The following COG7 variants were observed in gnomAD, a reference collection of about 807,000 sequenced individuals.
COG7 encodes component of oligomeric golgi complex 7, also known as conserved oligomeric Golgi complex subunit 7.
Under a neutral mutation model 91.5 loss-of-function variants are expected in COG7, and 49 were observed. That is an observed-to-expected ratio of 0.54 (90% CI 0.43 to 0.68). COG7 has a LOEUF of 0.68. Among genes scored for constraint, COG7 ranks in the 30% least tolerant of loss-of-function variants. COG7 has a pLI of 0.00. For synonymous variants in COG7, 365 were observed against 388.7 expected (o/e 0.94, Z 0.72); for missense variants, 895 against 961.3 (o/e 0.93, Z 0.91).
chr16:23,431,397 G>T (rs567794093), intron 6 of COG7, among the ~76,000 whole-genome samples: 2 of 152,310 alleles, frequency 1.3e-5, no homozygotes, highest in East Asian at 3.9e-4. Context: ...GGCCCAAAGA[G>T]AAGTCTGAGA....
chr16:23,439,443 C>T (rs1371367727), intron 4 of COG7, among the ~76,000 whole-genome samples: 2 of 151,974 alleles, frequency 1.3e-5, no homozygotes, highest in African/African-American at 4.8e-5. Context: ...TCACAATAGC[C>T]AAAAGGTAGA....
intron 6 of COG7, among the ~76,000 whole-genome samples, chr16:23,429,612 A>C (rs1963902659): frequency 1.3e-5 from 2 of 152,092 alleles, no homozygotes; most frequent in South Asian, 4.1e-4. Context: ...AAAAATACAA[A>C]AATTAGCTGG....
intron 7 of COG7, among the ~76,000 whole-genome samples, chr16:23,424,317 A>AAAC (rs1963809181): frequency 6.6e-6 from 1 of 151,562 alleles, no homozygotes. Context: ...AAAAAAAAAA[A>AAAC]AGCCCTTGTA....
intron 14 of COG7, 29 bp from the exon 15 acceptor site, chr16:23,393,376 G>T: frequency 6.6e-7 from 1 of 1,520,836 alleles, no homozygotes; most frequent in Non-Finnish European, 9.1e-7. Context: ...CTGTTAGCCT[G>T]ACATTGACAC....
rs776796285 is a variant in COG7 at position 23,424,709 on chromosome 16, G to A, written c.1009+40C>T. The A allele has an allele frequency of 3.1e-6, 5 of 1,603,418 alleles. No individual in the cohort carries two copies. In the South Asian group the frequency reaches 4.4e-5, roughly 14 times the overall value. ...GCCCCAGAAGCTTCAGAAAGAGCGA[G>A]TAAAGACAAGCTAGAGAACTGGCAG... On this transcript the variant is annotated intron_variant, in intron 7 of 16. Transcript: ENST00000307149.
chr16:23,427,874 A>G (rs1380767902), intron 6 of COG7, among the ~76,000 whole-genome samples: 1 of 152,092 alleles, frequency 6.6e-6, no homozygotes, highest in Admixed American at 6.6e-5. Flanking sequence ...GTTATTTTTA[A>G]ATGTTATTTT....
At chr16:23,440,695 G>A (rs909197437) in intron 4 of COG7, among the ~76,000 whole-genome samples, 18 of 152,034 alleles carry the variant, frequency 1.2e-4, no homozygotes, top group South Asian at 1.0e-3. Flanking sequence ...GGGCTCAGGC[G>A]ATCCTCCCAC....
Position 23,418,692 on chromosome 16 carries a change from G to A in COG7, c.1137+8C>T, listed in dbSNP as rs75523257. ...TTCCTCAGTGGCCCCAGGACACTGCGACTTTACCAGAGGCACAGCACTCAT... is the reference window on the plus strand; with the variant it reads ...TTCCTCAGTGGCCCCAGGACACTGCAACTTTACCAGAGGCACAGCACTCAT... On this transcript the variant is annotated splice_region_variant and intron_variant, in intron 8 of 16. Transcript: ENST00000307149. 221 of 1,613,078 alleles carry A rather than the reference G, an allele frequency of 1.4e-4. No individual in the cohort carries two copies. The African/African-American group carries it at 2.7e-3, about 19-fold the overall frequency.
intron 10 of COG7, among the ~76,000 whole-genome samples, chr16:23,410,634 A>G (rs1963547117): frequency 6.6e-6 from 1 of 152,130 alleles, no homozygotes; most frequent in South Asian, 2.1e-4. Context: ...ATAATTTTAC[A>G]TTTCCAAAAT....
At position 23,453,003 on chromosome 16, in the gene COG7, T is replaced by A. The variant is rs1215395431; in HGVS notation, c.-9A>T. The A allele has an allele frequency of 6.2e-7, 1 of 1,613,916 alleles. No individual in the cohort carries two copies. Among genetic ancestry groups the A allele is most frequent in the African/African-American group, 1.3e-5 (1 of 74,952 alleles). Reference sequence around the variant, plus strand: ...AACTTGGAGAAGTCCATGGCGGAACTGCCTCAGGCCTGGCGTCCAGAACTT... The same window carrying A: ...AACTTGGAGAAGTCCATGGCGGAACAGCCTCAGGCCTGGCGTCCAGAACTT... On this transcript the variant is annotated 5_prime_UTR_variant, in exon 1 of 17. Transcript: ENST00000307149.
At position 23,410,297 on chromosome 16, in the gene COG7, G is replaced by T; in HGVS notation, c.1473C>A (p.Asn491Lys). ...GGACAATGACTCCTCTCTCCTACCT[G>T]TTGGCTAGCTGCTGCTCGAAGTCCC... ...HCGDFEQQLA[N>K]RILSTAGKYL... Residue 491 changes from asparagine (N) to lysine (K), a missense_variant and splice_region_variant, in exon 11 of 17, where the codon AAC (asparagine) becomes AAA (lysine). Transcript: ENST00000307149. The T allele has an allele frequency of 6.2e-7, 1 of 1,613,764 alleles. No individual in the cohort carries two copies. Among genetic ancestry groups the T allele is most frequent in the African/African-American group, 1.3e-5 (1 of 75,018 alleles).
chr16:23,419,121 A>T (rs1963707409), intron 7 of COG7, among the ~76,000 whole-genome samples: 1 of 152,206 alleles, frequency 6.6e-6, no homozygotes. Context: ...GATAACCCTC[A>T]TTGGCCGGGC....
chr16:23,395,571 T>A (rs941450691), intron 14 of COG7, among the ~76,000 whole-genome samples: 2 of 152,216 alleles, frequency 1.3e-5, no homozygotes, highest in African/African-American at 4.8e-5. Flanking sequence ...AGGCAAAGTA[T>A]CATTTAGGTG....
intron 11 of COG7, among the ~76,000 whole-genome samples, chr16:23,409,073 G>C (rs979270012): frequency 7.6e-6 from 1 of 131,906 alleles, no homozygotes; most frequent in South Asian, 2.5e-4. Flanking sequence ...GCGTGTGTGT[G>C]TGTGTGTGTG....
At chr16:23,438,083 CA>C (rs34667957) in intron 4 of COG7, among the ~76,000 whole-genome samples, 32,833 of 88,604 alleles carry the variant, frequency 0.37, 3,648 homozygotes, top group African/African-American at 0.49. Flanking sequence ...GACTCCATCT[CA>C]AAAAAAAAAA....
chr16:23,440,603 G>A (rs567508079), intron 4 of COG7, among the ~76,000 whole-genome samples: 192 of 151,482 alleles, frequency 1.3e-3, no homozygotes, highest in African/African-American at 4.5e-3. Flanking sequence ...GACTACAAGC[G>A]TGCGCTACCA....
intron 5 of COG7, among the ~76,000 whole-genome samples, 163 bp downstream of exon 5, chr16:23,434,473 T>C (rs900389629): frequency 6.6e-6 from 1 of 152,166 alleles, no homozygotes; most frequent in African/African-American, 2.4e-5. Flanking sequence ...AACAAATCCA[T>C]ATGCTAGACC....
intron 1 of COG7, among the ~76,000 whole-genome samples, chr16:23,451,433 G>T (rs1489170946): frequency 6.6e-6 from 1 of 152,164 alleles, no homozygotes; most frequent in Non-Finnish European, 1.5e-5. Flanking sequence ...AATGGTTTAG[G>T]CCAGGCGTGG....
rs2142094131 is a variant in COG7, at chr16:23,442,618, T to C, written c.463A>G (p.Thr155Ala). 1 of 1,614,048 alleles carries C rather than the reference T, an allele frequency of 6.2e-7. No homozygotes were observed. The highest frequency in any genetic ancestry group is 1.1e-5 in the South Asian group (1 of 91,086). ...ATCATTAAGCTGTTCTGCATACCTGTTAGCTTGGCAGAAATCACAGCTATG... is the reference window on the plus strand; with the variant it reads ...ATCATTAAGCTGTTCTGCATACCTGCTAGCTTGGCAGAAATCACAGCTATG... ...QDIAVISAKLTGMQNSLMMLV... is the reference protein window; with the variant it reads ...QDIAVISAKLAGMQNSLMMLV... The change falls in exon 4 of 17, where the codon ACA becomes GCA. Residue 155 changes from threonine (T) to alanine (A), a missense_variant. Transcript: ENST00000307149.
Sources: allele counts gnomAD v4.1 joint callset (sites outside exome capture counted in the v4.1 genomes callset), GRCh38; gene constraint gnomAD v4.1.1; transcripts MANE v1.5; gene names NCBI Gene and HGNC (gene_info 2026-07-23, HGNC 2026-07-21).